The following PLD5 variants were observed in gnomAD, a reference collection of about 807,000 sequenced individuals.
PLD5 encodes the protein phospholipase D family member 5.
A neutral mutation model predicts 61.1 loss-of-function variants in PLD5; 36 were observed. That is an observed-to-expected ratio of 0.59 (90% CI 0.45 to 0.78). PLD5 has a LOEUF of 0.78. Ranked by LOEUF, PLD5 falls within the 30% of genes least tolerant of loss-of-function variation. PLD5 has a pLI of 0.00. For missense variants in PLD5, 515 were observed against 644.4 expected (o/e 0.80, Z 2.17); for synonymous variants, 243 against 242.8 (o/e 1.00, Z -0.01).
chr1:242,507,537 A>C (rs912038108), intron 1 of PLD5, among the ~76,000 whole-genome samples: 1 of 152,214 alleles, frequency 6.6e-6, no homozygotes, highest in Non-Finnish European at 1.5e-5. Flanking sequence ...ACTATACCTT[A>C]TTGGTGACTG....
chr1:242,325,520 A>G (rs1044647279), intron 2 of PLD5, among the ~76,000 whole-genome samples: 15 of 151,762 alleles, frequency 9.9e-5, no homozygotes, highest in Non-Finnish European at 2.2e-4. Context: ...AGTCAGAGAG[A>G]GTCAGTCTTG....
At chr1:242,195,361 C>T (rs536068527) in intron 5 of PLD5, among the ~76,000 whole-genome samples, 2 of 152,318 alleles carry the variant, frequency 1.3e-5, no homozygotes, top group African/African-American at 4.8e-5. Context: ...AAATGCATCT[C>T]TTTCCCTCAG....
intron 1 of PLD5, among the ~76,000 whole-genome samples, chr1:242,416,036 A>G (rs1441968037): frequency 6.6e-6 from 1 of 152,184 alleles, no homozygotes; most frequent in Non-Finnish European, 1.5e-5. Context: ...AACTGATGTT[A>G]AAATGATGTG....
rs369605461 is a variant in PLD5, at chr1:242,409,422, C to T, written c.190-61180G>A. ...CTCACATTCTCATTTATCACATAAG[C>T]GGAAAATTGTCCATGTTGCCTTATT... On this transcript the variant is annotated intron_variant, in intron 1 of 9. Transcript: ENST00000536534. Among the ~76,000 whole-genome samples the T allele has an allele frequency of 7.9e-5, 12 of 151,954 alleles. No homozygotes were observed. The East Asian group carries it at 1.4e-3, about 17-fold the overall frequency.
intron 9 of PLD5, among the ~76,000 whole-genome samples, chr1:242,092,095 TG>T (rs1659879813): frequency 6.6e-6 from 1 of 152,122 alleles, no homozygotes; most frequent in Non-Finnish European, 1.5e-5. Flanking sequence ...CCTAAAGTGC[TG>T]GGATTACAAG....
chr1:242,380,662 C>G (rs1373511031), intron 1 of PLD5, among the ~76,000 whole-genome samples: 1 of 148,694 alleles, frequency 6.7e-6, no homozygotes, highest in Admixed American at 6.7e-5. Flanking sequence ...TGACAAAGGG[C>G]TAATATCCAG....
intron 5 of PLD5, among the ~76,000 whole-genome samples, chr1:242,131,840 T>G (rs1663280782): frequency 6.8e-6 from 1 of 147,228 alleles, no homozygotes; most frequent in Non-Finnish European, 1.5e-5. Context: ...CTTTCCTTTT[T>G]TTTTTTTTTT....
intron 4 of PLD5, among the ~76,000 whole-genome samples, chr1:242,245,399 C>A (rs397121): frequency 0.95 from 144,526 of 152,298 alleles, 69,053 homozygotes; most frequent in East Asian, 1. Flanking sequence ...TTGCTTCGTG[C>A]ATAATTAGAT....
In PLD5 at chr1:242,107,714, A is replaced by G. The variant is rs1156928879; in HGVS notation, c.1196T>C (p.Leu399Pro). ...GGCTATTTCAGTGCAAATCGCTTTA[A>G]GAGATGAAATAAAGTTAAACGTAAG... ...DPLTFNFISSLKAICTEIANC... is the reference protein window; with the variant it reads ...DPLTFNFISSPKAICTEIANC... Residue 399 changes from leucine (L) to proline (P), a missense_variant, in exon 8 of 10, where the codon CTT (leucine) becomes CCT (proline). By Grantham distance (98) the Leu-to-Pro change is moderately conservative. Transcript: ENST00000536534. The G allele has an allele frequency of 6.2e-7, 1 of 1,606,754 alleles. No individual in the cohort carries two copies. Among genetic ancestry groups the G allele is most frequent in the Admixed American group, 1.7e-5 (1 of 57,722 alleles).
intron 3 of PLD5, 147 bp downstream of exon 3, chr1:242,288,215 C>T: frequency 9.3e-7 from 1 of 1,080,160 alleles, no homozygotes; most frequent in Non-Finnish European, 1.3e-6. Flanking sequence ...AACGACACAT[C>T]TACATAAATG....
chr1:242,420,029 G>C (rs750162471), intron 1 of PLD5, among the ~76,000 whole-genome samples: 3 of 152,054 alleles, frequency 2.0e-5, no homozygotes, highest in African/African-American at 4.8e-5. Flanking sequence ...AAAATTCTTC[G>C]ATAAACTTGT....
At chr1:242,437,592 G>C (rs1190287202) in intron 1 of PLD5, among the ~76,000 whole-genome samples, 1 of 152,068 alleles carries the variant, frequency 6.6e-6, no homozygotes, top group African/African-American at 2.4e-5. Context: ...AGCTACTAGG[G>C]TGGCTGAGGT....
chr1:242,499,980 C>G (rs1164991219), intron 1 of PLD5, among the ~76,000 whole-genome samples: 1 of 152,180 alleles, frequency 6.6e-6, no homozygotes, highest in Non-Finnish European at 1.5e-5. Context: ...ACAGTGCTTA[C>G]CTGGGGCCTC....
At chr1:242,305,253 C>G (rs1185868169) in intron 2 of PLD5, among the ~76,000 whole-genome samples, 1 of 152,334 alleles carries the variant, frequency 6.6e-6, no homozygotes, top group South Asian at 2.1e-4. Context: ...AGTAATCCCA[C>G]TCCTGATTGC....
At chr1:242,374,847 C>T (rs560273986) in intron 1 of PLD5, among the ~76,000 whole-genome samples, 1 of 152,284 alleles carries the variant, frequency 6.6e-6, no homozygotes, top group East Asian at 1.9e-4. Context: ...ACAGCATATC[C>T]TTGAGTCTTC....
intron 4 of PLD5, among the ~76,000 whole-genome samples, chr1:242,242,903 C>T (rs998633311): frequency 6.6e-6 from 1 of 152,216 alleles, no homozygotes; most frequent in African/African-American, 2.4e-5. Flanking sequence ...TATTCCACCT[C>T]CCGGTGATTA....
intron 2 of PLD5, among the ~76,000 whole-genome samples, chr1:242,310,223 C>T (rs1195273470): frequency 6.6e-6 from 1 of 152,140 alleles, no homozygotes; most frequent in Non-Finnish European, 1.5e-5. Flanking sequence ...CCTAAACACA[C>T]ACGCTGAGAG....
At chr1:242,483,469 T>G (rs1667853589) in intron 1 of PLD5, among the ~76,000 whole-genome samples, 1 of 152,174 alleles carries the variant, frequency 6.6e-6, no homozygotes. Context: ...AGAAGGCCAT[T>G]ACATAGTGGT....
chr1:242,355,490 C>G (rs1199321146), intron 1 of PLD5, among the ~76,000 whole-genome samples: 1 of 151,800 alleles, frequency 6.6e-6, no homozygotes, highest in Non-Finnish European at 1.5e-5. Flanking sequence ...TTATTTGAGT[C>G]TTTTCTTCTT....
Sources: allele counts gnomAD v4.1 joint callset (sites outside exome capture counted in the v4.1 genomes callset), GRCh38; gene constraint gnomAD v4.1.1; transcripts MANE v1.5; gene names NCBI Gene and HGNC (gene_info 2026-07-23, HGNC 2026-07-21).